CREBBP: variants seen among roughly 807,000 people sequenced by gnomAD.
CREBBP encodes CREB-binding protein.
Under a neutral mutation model 265.0 loss-of-function variants are expected in CREBBP, and 19 were observed. That is an observed-to-expected ratio of 0.07 (90% CI 0.05 to 0.11). The LOEUF (loss-of-function observed/expected upper bound fraction) is 0.11. Ranked by LOEUF, CREBBP falls within the 10% of genes least tolerant of loss-of-function variation. CREBBP has a pLI of 1.00. For synonymous variants in CREBBP, 1,457 were observed against 1,223.7 expected (o/e 1.19, Z -3.98); for missense variants, 2,525 against 3,219.0 (o/e 0.78, Z 5.22).
At chr16:3,784,630 T>A (rs1284203288) in intron 5 of CREBBP, 1 of 152,226 alleles carries the variant, frequency 6.6e-6, no homozygotes, top group Admixed American at 6.5e-5. Flanking sequence ...CTACACTATA[T>A]TTAACACACA....
chr16:3,876,959 T>G lies in CREBBP; in HGVS notation c.85+2873A>C, dbSNP rs372241616. Among the ~76,000 whole-genome samples the G allele has an allele frequency of 7.0e-3, 1,067 of 152,122 alleles. 13 individuals carry two copies. Among genetic ancestry groups the G allele is most frequent in the Middle Eastern group, 0.017 (5 of 294 alleles). ...GGCTGAGCAGCTCCCCAATGTCGGG[T>G]GCATTTTTCTCTCAGCTCACTGCCA... On this transcript the variant is annotated intron_variant, in intron 1 of 30. Transcript: ENST00000262367.
chr16:3,822,072 T>C (rs1279739164), intron 2 of CREBBP, among the ~76,000 whole-genome samples: 1 of 151,562 alleles, frequency 6.6e-6, no homozygotes, highest in African/African-American at 2.4e-5. Context: ...CACAAAAGAG[T>C]GAATCTTTGT....
At position 3,835,704 on chromosome 16, in the gene CREBBP, C is replaced by T. The variant is rs147702013; in HGVS notation, c.798+14593G>A. Among the ~76,000 whole-genome samples, 892 of 151,522 alleles carry T rather than the reference C, an allele frequency of 5.9e-3. 13 individuals are homozygous for T. Among genetic ancestry groups the T allele is most frequent in the African/African-American group, 0.02 (845 of 41,286 alleles). ...ACGCCATTCTCCTGCCTCAGCCTCCCGAGTAGCTGGGACTACAGGCGCCTG... is the reference window on the plus strand; with the variant it reads ...ACGCCATTCTCCTGCCTCAGCCTCCTGAGTAGCTGGGACTACAGGCGCCTG... On this transcript the variant is annotated intron_variant, in intron 2 of 30. Coordinates refer to ENST00000262367, the MANE Select transcript of CREBBP (RefSeq NM_004380.3).
chr16:3,738,216 G>A (rs758363844), intron 26 of CREBBP, among the ~76,000 whole-genome samples: 1 of 151,584 alleles, frequency 6.6e-6, no homozygotes, highest in Non-Finnish European at 1.5e-5. Flanking sequence ...AAACTGACTT[G>A]TGATAGTTGC....
At chr16:3,830,643 CA>C (rs1297403654) in intron 2 of CREBBP, among the ~76,000 whole-genome samples, 1 of 152,132 alleles carries the variant, frequency 6.6e-6, no homozygotes, top group Non-Finnish European at 1.5e-5. Context: ...AAAAACCAGA[CA>C]AACCTAAAAT....
intron 3 of CREBBP, among the ~76,000 whole-genome samples, chr16:3,808,644 G>A (rs1244788659): frequency 6.6e-6 from 1 of 152,238 alleles, no homozygotes; most frequent in African/African-American, 2.4e-5. Flanking sequence ...CCGGAGCACA[G>A]ATTCTGTCAC....
chr16:3,813,006 T>C (rs1174501843), intron 2 of CREBBP: 1 of 222,504 alleles, frequency 4.5e-6, no homozygotes, highest in Non-Finnish European at 9.0e-6. Context: ...TTCAAACTCC[T>C]CGCCTGTAAG....
rs561200968 is a variant in CREBBP at position 3,835,138 on chromosome 16, A to G, written c.798+15159T>C. Among the ~76,000 whole-genome samples, 18 of 152,258 alleles carry G rather than the reference A, an allele frequency of 1.2e-4. No homozygotes were observed. In the South Asian group the frequency reaches 3.5e-3, roughly 30 times the overall value. On this transcript the variant is annotated intron_variant, in intron 2 of 30. Coordinates refer to ENST00000262367, the MANE Select transcript of CREBBP (RefSeq NM_004380.3). ...CACGCCACTGCACTCCGGCCTGGGC[A>G]AAAGAGCGAGACTCCTTCTCCAAAA...
intron 2 of CREBBP, among the ~76,000 whole-genome samples, chr16:3,821,801 G>T (rs1162016838): frequency 6.6e-6 from 1 of 152,190 alleles, no homozygotes; most frequent in Admixed American, 6.5e-5. Context: ...AGGCCAAGGC[G>T]GGTGGATCAC....
At chr16:3,803,491 C>T (rs890853181) in intron 3 of CREBBP, among the ~76,000 whole-genome samples, 5 of 151,762 alleles carry the variant, frequency 3.3e-5, no homozygotes, top group Admixed American at 2.0e-4. Context: ...GGCGACAGAT[C>T]GAGACTCTCT....
At chr16:3,829,988 T>C (rs150500996) in intron 2 of CREBBP, among the ~76,000 whole-genome samples, 135 of 152,234 alleles carry the variant, frequency 8.9e-4, no homozygotes, top group South Asian at 8.5e-3. Flanking sequence ...AACCCAACAA[T>C]TATCAACATT....
intron 3 of CREBBP, among the ~76,000 whole-genome samples, chr16:3,795,806 A>G (rs1330436363): frequency 6.6e-6 from 1 of 152,224 alleles, no homozygotes; most frequent in African/African-American, 2.4e-5. Flanking sequence ...AGCCTCATTT[A>G]GGACTCTTTC....
chr16:3,745,483 G>C (rs573063402), intron 21 of CREBBP, 129 bp from the exon 22 acceptor site: 37 of 769,242 alleles, frequency 4.8e-5, no homozygotes, highest in Non-Finnish European at 8.2e-5. Context: ...ATTAATGCGT[G>C]TGTTGGCTGA....
intron 5 of CREBBP, among the ~76,000 whole-genome samples, chr16:3,786,427 G>C (rs1404556480): frequency 2.0e-5 from 3 of 152,190 alleles, no homozygotes. Flanking sequence ...TGTTGCTGAT[G>C]CAAAGAACTC....
Position 3,727,710 on chromosome 16 carries a change from T to C in CREBBP, c.*8A>G, listed in dbSNP as rs2151297721. ...ACATGAAAGGGAAAAGGTGATGCTC[T>C]CACAATGCTACAAGCCCTCCACAAA... On this transcript the variant is annotated 3_prime_UTR_variant, in exon 31 of 31. Coordinates refer to ENST00000262367, the MANE Select transcript of CREBBP (RefSeq NM_004380.3). The C allele has an allele frequency of 6.2e-7, 1 of 1,614,044 alleles. No individual in the cohort carries two copies. Among genetic ancestry groups the C allele is most frequent in the African/African-American group, 1.3e-5 (1 of 75,012 alleles).
chr16:3,734,344 AG>A (rs2151324269), intron 28 of CREBBP, among the ~76,000 whole-genome samples: 1 of 152,242 alleles, frequency 6.6e-6, no homozygotes, highest in Non-Finnish European at 1.5e-5. Flanking sequence ...CAAACACACA[AG>A]GGACAGCAGG....
chr16:3,808,157 G>C (rs74003411), intron 3 of CREBBP, among the ~76,000 whole-genome samples: 2,727 of 147,106 alleles, frequency 0.019, 78 homozygotes, highest in African/African-American at 0.065. Context: ...GATGAAAGAA[G>C]GGGGGGGCAG....
intron 3 of CREBBP, among the ~76,000 whole-genome samples, chr16:3,795,164 G>A (rs1185808319): frequency 6.6e-6 from 1 of 152,156 alleles, no homozygotes; most frequent in Non-Finnish European, 1.5e-5. Flanking sequence ...AGGACCCAAA[G>A]CAAAATCAGC....
In CREBBP at chr16:3,736,155, G is replaced by A. The variant is rs138120595; in HGVS notation, c.4609C>T (p.Leu1537=). 2 of 1,614,242 alleles carry A rather than the reference G, an allele frequency of 1.2e-6. No homozygotes were observed. The highest frequency in any genetic ancestry group is 8.5e-7 in the Non-Finnish European group (1 of 1,180,046). ...TEDRLTSAKE[L]PYFEGDFWPN... is the part of the protein sequence containing the mutation. ...CAGAAATCACCTTCAAAATAGGGCAGTTCCTTGGCACTGGTGAGCCTGTCT... is the reference window on the plus strand; with the variant it reads ...CAGAAATCACCTTCAAAATAGGGCAATTCCTTGGCACTGGTGAGCCTGTCT... The change falls in exon 28 of 31, where the codon CTG becomes TTG. Residue 1537 remains leucine, a synonymous_variant. Coordinates refer to ENST00000262367, the MANE Select transcript of CREBBP (RefSeq NM_004380.3).
Sources: allele counts gnomAD v4.1 joint callset (sites outside exome capture counted in the v4.1 genomes callset), GRCh38; gene constraint gnomAD v4.1.1; transcripts MANE v1.5; gene names NCBI Gene and HGNC (gene_info 2026-07-23, HGNC 2026-07-21).